The following AK4 variants were observed in gnomAD, a reference collection of about 807,000 sequenced individuals.
AK4 encodes adenylate kinase 4, mitochondrial.
AK4 carries 13 observed loss-of-function variants against 24.6 expected under a neutral mutation model. That is an observed-to-expected ratio of 0.53 (90% CI 0.34 to 0.84). The LOEUF is 0.84. Ranked by LOEUF, AK4 falls within the 40% of genes least tolerant of loss-of-function variation. The pLI, the probability that AK4 is intolerant of heterozygous loss-of-function variation, is 0.01. For synonymous variants in AK4, 88 were observed against 107.0 expected (o/e 0.82, Z 1.10); for missense variants, 192 against 288.2 (o/e 0.67, Z 2.42).
chr1:65,166,882 A>C (rs1397379951), intron 1 of AK4, among the ~76,000 whole-genome samples: 2 of 152,216 alleles, frequency 1.3e-5, no homozygotes, highest in Non-Finnish European at 2.9e-5. Flanking sequence ...CTGTAATCCC[A>C]GCACTTTGGA....
intron 2 of AK4, among the ~76,000 whole-genome samples, chr1:65,210,033 C>T (rs946106404): frequency 6.6e-6 from 1 of 152,150 alleles, no homozygotes; most frequent in Non-Finnish European, 1.5e-5. Context: ...GTCTCAAAAT[C>T]CTGGGCTCAA....
chr1:65,211,471 C>T (rs1208306724), intron 2 of AK4, among the ~76,000 whole-genome samples: 1 of 152,212 alleles, frequency 6.6e-6, no homozygotes, highest in Non-Finnish European at 1.5e-5. Flanking sequence ...CTGCAGTTTT[C>T]TGTTCAGGAG....
chr1:65,148,209 C>T lies in AK4; in HGVS notation c.-199C>T. On this transcript the variant is annotated 5_prime_UTR_variant, in exon 1 of 5. Coordinates refer to ENST00000327299, the MANE Select transcript of AK4 (RefSeq NM_013410.4). Reference sequence around the variant, plus strand: ...GAGGTGTAGCGTGGCGCTCAGTCCGCCTGCTACTCGGTCCCGGCGCTGGGC... The same window carrying T: ...GAGGTGTAGCGTGGCGCTCAGTCCGTCTGCTACTCGGTCCCGGCGCTGGGC... 2.5e-6 allele frequency: 3 copies of T among 1,188,334 alleles called. No homozygotes were observed. Among genetic ancestry groups the T allele is most frequent in the Non-Finnish European group, 3.4e-6 (3 of 886,630 alleles). 73.6% of individuals were successfully genotyped at this position (1,188,334 alleles called of 1,614,324 possible).
At chr1:65,172,479 G>A (rs1650568519) in intron 1 of AK4, among the ~76,000 whole-genome samples, 1 of 152,090 alleles carries the variant, frequency 6.6e-6, no homozygotes. Context: ...AGTATATCTG[G>A]TGGAGCATTC....
Position 65,224,701 on chromosome 1 carries a change from T to C in AK4, c.439-51T>C, listed in dbSNP as rs1053373165. On this transcript the variant is annotated intron_variant, in intron 3 of 4. Coordinates refer to ENST00000327299, the MANE Select transcript of AK4 (RefSeq NM_013410.4). Reference sequence around the variant, plus strand: ...TTTGCACAGAAAAGTTTTTAACCTATGAAATGGCCCAACTGTTGTCTATAT... The same window carrying C: ...TTTGCACAGAAAAGTTTTTAACCTACGAAATGGCCCAACTGTTGTCTATAT... 6 of 1,496,690 alleles carry C rather than the reference T, an allele frequency of 4.0e-6. No homozygotes were observed. The Admixed American group carries it at 1.0e-4, about 25-fold the overall frequency. The allele number at this position is 1,496,690 out of a possible 1,614,324, so 92.7% of individuals were successfully genotyped here. A position where few individuals can be genotyped will look rare whatever the true frequency, so the allele number is the denominator to read the frequency against.
At chr1:65,148,640 G>A in intron 1 of AK4, 88 bp downstream of exon 1, 1 of 1,422,368 alleles carries the variant, frequency 7.0e-7, no homozygotes, top group Non-Finnish European at 9.2e-7. Flanking sequence ...GGATCACGGC[G>A]CCCTTCCCCC....
intron 2 of AK4, among the ~76,000 whole-genome samples, chr1:65,192,091 C>G (rs1258907912): frequency 6.6e-6 from 1 of 152,176 alleles, no homozygotes; most frequent in Non-Finnish European, 1.5e-5. Context: ...CTACTTTTAA[C>G]TCACAGAAGT....
chr1:65,148,782 A>T (rs1018026644), intron 1 of AK4, among the ~76,000 whole-genome samples: 1 of 148,216 alleles, frequency 6.7e-6, no homozygotes, highest in Non-Finnish European at 1.5e-5. Context: ...GCTCCTCTCC[A>T]CCGCTCCTCC....
chr1:65,194,494 C>T (rs569529612), intron 2 of AK4, among the ~76,000 whole-genome samples: 1 of 151,610 alleles, frequency 6.6e-6, no homozygotes, highest in African/African-American at 2.4e-5. Context: ...GAGATGAAGT[C>T]TCTGTCGCCC....
intron 2 of AK4, among the ~76,000 whole-genome samples, chr1:65,206,539 G>A (rs1213438793): frequency 2.0e-5 from 3 of 152,250 alleles, no homozygotes; most frequent in Non-Finnish European, 4.4e-5. Flanking sequence ...CTTGAGTCCA[G>A]CCTGGTTAAC....
chr1:65,181,737 A>G (rs1468860311), intron 1 of AK4, among the ~76,000 whole-genome samples: 2 of 152,186 alleles, frequency 1.3e-5, no homozygotes, highest in Non-Finnish European at 1.5e-5. Context: ...AGTAAATGAT[A>G]GGAAGCCATT....
intron 2 of AK4, among the ~76,000 whole-genome samples, chr1:65,215,935 G>T (rs1652116373): frequency 6.6e-6 from 1 of 152,120 alleles, no homozygotes; most frequent in African/African-American, 2.4e-5. Context: ...CCGATATAAA[G>T]ACTGTTTTCT....
At chr1:65,184,729 G>A (rs1375724080) in intron 1 of AK4, among the ~76,000 whole-genome samples, 1 of 152,148 alleles carries the variant, frequency 6.6e-6, no homozygotes, top group Non-Finnish European at 1.5e-5. Flanking sequence ...CCAGTTTTCC[G>A]AAATGGGCCT....
At chr1:65,221,618 A>T (rs896730252) in intron 3 of AK4, among the ~76,000 whole-genome samples, 2 of 152,194 alleles carry the variant, frequency 1.3e-5, no homozygotes, top group Non-Finnish European at 2.9e-5. Context: ...CTGTCTCAAG[A>T]AGCTATGATG....
At position 65,221,651 on chromosome 1, in the gene AK4, A is replaced by G. The variant is rs570496580; in HGVS notation, c.438+2725A>G. Among the ~76,000 whole-genome samples, 227 of 152,340 alleles carry G rather than the reference A, an allele frequency of 1.5e-3. 1 individual carries two copies. Among genetic ancestry groups the G allele is most frequent in the African/African-American group, 5.3e-3 (219 of 41,586 alleles). On this transcript the variant is annotated intron_variant, in intron 3 of 4. Transcript: ENST00000327299. ...ATGGGGGAAAAATGGGTGGGAATAA[A>G]AAAGGAGTTCTGACAATACAGATGG...
At chr1:65,218,952 A>G in intron 3 of AK4, 26 bp downstream of exon 3, 1 of 1,508,302 alleles carries the variant, frequency 6.6e-7, no homozygotes, top group Non-Finnish European at 8.9e-7. Flanking sequence ...GTGCTTTCAC[A>G]ACCTGACAAG....
At chr1:65,202,214 G>A (rs1009873887) in intron 2 of AK4, among the ~76,000 whole-genome samples, 3 of 129,382 alleles carry the variant, frequency 2.3e-5, no homozygotes, top group African/African-American at 5.5e-5. Context: ...TGGCTAACAC[G>A]GTGAGACCCC....
Position 65,193,671 on chromosome 1 carries a change from T to G in AK4, c.265+2842T>G, listed in dbSNP as rs1651379310. On this transcript the variant is annotated intron_variant, in intron 2 of 4. Transcript: ENST00000327299. ...CCCTCATACCAAAATCCATGCTTAC[T>G]CAAGCCCCACGGTCGGCCCTGTGGA... 1.3e-5 allele frequency among the ~76,000 whole-genome samples: 2 copies of G among 152,208 alleles called. 1 individual carries two copies. The highest frequency in any genetic ancestry group is 4.1e-4 in the South Asian group (2 of 4,834).
At position 65,148,684 on chromosome 1, in the gene AK4, G is replaced by A. The variant is rs1002864603; in HGVS notation, c.145+132G>A. ...GTGGTCGTGCAGGCTCGTACGTGCC[G>A]GGGCGCATGCAGCTGGCGGCCGCGC... On this transcript the variant is annotated intron_variant, in intron 1 of 4. Coordinates refer to ENST00000327299, the MANE Select transcript of AK4 (RefSeq NM_013410.4). 3.2e-6 allele frequency: 4 copies of A among 1,267,402 alleles called. No homozygotes were observed. In the African/African-American group the frequency reaches 6.4e-5, roughly 20 times the overall value. 78.5% of individuals were successfully genotyped at this position (1,267,402 alleles called of 1,614,324 possible). A position where few individuals can be genotyped will look rare whatever the true frequency, so the allele number is the denominator to read the frequency against.
Sources: gnomAD v4.1 joint callset for allele counts (sites outside exome capture counted in the v4.1 genomes callset) on GRCh38, gnomAD v4.1.1 for gene constraint, MANE v1.5 for transcripts, NCBI Gene and HGNC (gene_info 2026-07-23, HGNC 2026-07-21) for gene names.